The following BMPR1B variants were observed in gnomAD, a reference collection of about 807,000 sequenced individuals.
BMPR1B encodes the protein bone morphogenetic protein receptor type 1B.
In BMPR1B, 12 loss-of-function variants were observed where a neutral mutation model predicts 59.1. The observed-to-expected ratio is 0.20, with a 90% confidence interval of 0.13 to 0.33. The LOEUF is 0.33. Among genes scored for constraint, BMPR1B ranks in the 10% least tolerant of loss-of-function variants. The probability of loss-of-function intolerance (pLI) is 1.00; values close to 1 mark genes in which losing one functional copy is unlikely to be tolerated. For synonymous variants in BMPR1B, 237 were observed against 207.3 expected (o/e 1.14, Z -1.23); for missense variants, 550 against 610.9 (o/e 0.90, Z 1.05).
At chr4:95,051,216 A>G (rs1238620876) in intron 3 of BMPR1B, among the ~76,000 whole-genome samples, 1 of 152,252 alleles carries the variant, frequency 6.6e-6, no homozygotes, top group Non-Finnish European at 1.5e-5. Context: ...TTCACTAAGT[A>G]AAAACATTAT....
intron 12 of BMPR1B, 92 bp downstream of exon 12, chr4:95,152,865 T>G (rs1329347955): frequency 8.6e-6 from 13 of 1,513,706 alleles, no homozygotes; most frequent in Non-Finnish European, 1.1e-5. Flanking sequence ...GTAGGAATTC[T>G]TCTTTTTTTG....
Position 95,125,046 on chromosome 4 carries a change from T to G in BMPR1B, c.510T>G (p.Ile170Met), listed in dbSNP as rs768768926. ...GGTTAGAACAGGATGAAACTTACAT[T>G]CCTCCTGGAGAATCCCTGAGAGACT... ...SIGLEQDETYIPPGESLRDLI... is the reference protein window; with the variant it reads ...SIGLEQDETYMPPGESLRDLI... Residue 170 changes from isoleucine (I) to methionine (M), a missense_variant, in exon 8 of 13, where the codon ATT becomes ATG. Transcript: ENST00000515059. 1.2e-6 allele frequency: 2 copies of G among 1,613,712 alleles called. No homozygotes were observed. The highest frequency in any genetic ancestry group is 1.7e-6 in the Non-Finnish European group (2 of 1,179,722).
intron 3 of BMPR1B, among the ~76,000 whole-genome samples, chr4:95,073,590 AAAG>A (rs940656248): frequency 2.0e-5 from 3 of 152,160 alleles, no homozygotes; most frequent in African/African-American, 4.8e-5. Context: ...GAGGGACTGA[AAAG>A]AAGAAAATAT....
intron 9 of BMPR1B, 126 bp from the exon 10 acceptor site, chr4:95,131,089 A>G (rs1327195919): frequency 1.0e-6 from 1 of 966,090 alleles, no homozygotes; most frequent in Non-Finnish European, 1.6e-6. Context: ...CATCATAGGC[A>G]TAGTCAGGAA....
chr4:95,115,082 G>C lies in BMPR1B; in HGVS notation c.246+260G>C, dbSNP rs576023113. ...TACTATTGTGCCTTAATTGCCTACA[G>C]TATTAAGTTCAGTGACATGCTGTAT... On this transcript the variant is annotated intron_variant, in intron 5 of 12. Coordinates refer to ENST00000515059, the MANE Select transcript of BMPR1B (RefSeq NM_001203.3). 4.6e-5 allele frequency among the ~76,000 whole-genome samples: 7 copies of C among 152,248 alleles called. No homozygotes were observed. In the South Asian group the frequency reaches 1.5e-3, roughly 32 times the overall value.
chr4:94,904,142 G>A (rs902749976), intron 2 of BMPR1B, among the ~76,000 whole-genome samples: 1 of 151,916 alleles, frequency 6.6e-6, no homozygotes, highest in African/African-American at 2.4e-5. Context: ...CTTCATGTTT[G>A]TGTCATTCTT....
At chr4:94,804,816 T>TA (rs1330378914) in intron 1 of BMPR1B, among the ~76,000 whole-genome samples, 1 of 152,180 alleles carries the variant, frequency 6.6e-6, no homozygotes, top group African/African-American at 2.4e-5. Flanking sequence ...TAGATCCAAT[T>TA]AGAGTTTTCT....
intron 2 of BMPR1B, among the ~76,000 whole-genome samples, chr4:94,993,615 G>T (rs1164481811): frequency 6.6e-6 from 1 of 151,950 alleles, no homozygotes; most frequent in African/African-American, 2.4e-5. Context: ...ACAAAAATTA[G>T]TCAGGTATGG....
chr4:94,997,031 G>A (rs897918778), intron 3 of BMPR1B, among the ~76,000 whole-genome samples: 4 of 152,184 alleles, frequency 2.6e-5, no homozygotes, highest in South Asian at 4.2e-4. Context: ...ATATATACTT[G>A]TATGTTTATA....
chr4:95,034,830 T>C (rs1725120059), intron 3 of BMPR1B, among the ~76,000 whole-genome samples: 2 of 152,104 alleles, frequency 1.3e-5, no homozygotes, highest in African/African-American at 4.8e-5. Flanking sequence ...GTAGTTCTAC[T>C]TTTAGTTCTA....
chr4:94,940,784 C>T (rs956098173), intron 2 of BMPR1B, among the ~76,000 whole-genome samples: 8 of 152,076 alleles, frequency 5.3e-5, no homozygotes, highest in Admixed American at 5.2e-4. Flanking sequence ...GAATAGAGCC[C>T]CGAAATTCCT....
At chr4:95,023,289 A>T (rs1405859198) in intron 3 of BMPR1B, among the ~76,000 whole-genome samples, 1 of 152,196 alleles carries the variant, frequency 6.6e-6, no homozygotes, top group Admixed American at 6.5e-5. Flanking sequence ...TTTTAAATGT[A>T]TATGTTCTTT....
chr4:94,777,441 C>G (rs1178091669), intron 1 of BMPR1B, among the ~76,000 whole-genome samples: 1 of 152,006 alleles, frequency 6.6e-6, no homozygotes. Context: ...AATTTTATTA[C>G]ATTATAAAAG....
intron 2 of BMPR1B, among the ~76,000 whole-genome samples, chr4:94,895,216 G>C (rs1185077293): frequency 2.6e-5 from 4 of 151,902 alleles, no homozygotes; most frequent in Non-Finnish European, 4.4e-5. Context: ...GTCCCTCATT[G>C]CTTGGATTAA....
chr4:95,013,267 A>G lies in BMPR1B; in HGVS notation c.-18+17133A>G, dbSNP rs375245897. Among the ~76,000 whole-genome samples the G allele has an allele frequency of 1.6e-4, 25 of 152,240 alleles. No individual in the cohort carries two copies. In the South Asian group the frequency reaches 5.2e-3, roughly 32 times the overall value. On this transcript the variant is annotated intron_variant, in intron 3 of 12. Transcript: ENST00000515059. ...ATTTTATTTTTATGGTTAATTTTTT[A>G]GTTTGAGCCCTGCAAGGCTAGTTCC...
intron 10 of BMPR1B, among the ~76,000 whole-genome samples, chr4:95,145,996 G>C (rs1487832455): frequency 6.6e-6 from 1 of 152,118 alleles, no homozygotes; most frequent in African/African-American, 2.4e-5. Flanking sequence ...TTCATTTAAA[G>C]TACATTATTT....
chr4:94,925,814 G>C (rs1311675157), intron 2 of BMPR1B, among the ~76,000 whole-genome samples: 1 of 152,160 alleles, frequency 6.6e-6, no homozygotes. Flanking sequence ...ATAGTTGGTG[G>C]GGTGTTAGTG....
intron 8 of BMPR1B, among the ~76,000 whole-genome samples, chr4:95,127,372 G>T (rs1732983430): frequency 6.6e-6 from 1 of 151,908 alleles, no homozygotes; most frequent in African/African-American, 2.4e-5. Flanking sequence ...TGTTATAATA[G>T]CTTACTTTCT....
intron 2 of BMPR1B, among the ~76,000 whole-genome samples, chr4:94,876,417 C>T (rs17022426): frequency 0.027 from 4,072 of 152,218 alleles, 177 homozygotes; most frequent in African/African-American, 0.093. Flanking sequence ...TATTAGTGAA[C>T]GTTAACTTGG....
Sources: gnomAD v4.1 joint callset for allele counts (sites outside exome capture counted in the v4.1 genomes callset) on GRCh38, gnomAD v4.1.1 for gene constraint, MANE v1.5 for transcripts, NCBI Gene and HGNC (gene_info 2026-07-23, HGNC 2026-07-21) for gene names.